The following HARBI1 variants were observed in gnomAD, a reference collection of about 807,000 sequenced individuals.
HARBI1 encodes putative nuclease HARBI1.
In HARBI1, 15 loss-of-function variants were observed where a neutral mutation model predicts 25.3. The observed-to-expected ratio is 0.59, with a 90% confidence interval of 0.40 to 0.91. HARBI1 has a LOEUF of 0.91. HARBI1 is among the 40% of genes least tolerant of loss of function. The pLI, the probability that HARBI1 is intolerant of heterozygous loss-of-function variation, is 0.00. For synonymous variants in HARBI1, 168 were observed against 160.5 expected (o/e 1.05, Z -0.35); for missense variants, 396 against 445.8 (o/e 0.89, Z 1.01).
At position 46,616,350 on chromosome 11, in the gene HARBI1, G is replaced by A. The variant is rs77282744; in HGVS notation, c.-113C>T. ...TATCAGAATCCAACAGCTAACCACA[G>A]TTAAATGGCTCTGCCATTTATAATC... On this transcript the variant is annotated 5_prime_UTR_variant, in exon 2 of 3. Transcript: ENST00000326737. 1.6e-3 allele frequency: 2,395 copies of A among 1,483,174 alleles called. 26 individuals are homozygous for A. In the African/African-American group the frequency reaches 0.031, roughly 19 times the overall value. 91.9% of individuals were successfully genotyped at this position (1,483,174 alleles called of 1,614,324 possible).
chr11:46,617,070 G>C, intron 1 of HARBI1, 54 bp downstream of exon 1: 10 of 917,124 alleles, frequency 1.1e-5, no homozygotes, highest in Non-Finnish European at 1.2e-5. Flanking sequence ...CCTAAAAACG[G>C]ATGTCAAAGT....
rs775686124 is a variant in HARBI1, at chr11:46,616,124, C to T, written c.114G>A (p.Met38Ile). The change falls in exon 2 of 3, where the codon ATG becomes ATA. Residue 38 changes from methionine (M) to isoleucine (I), a missense_variant. Physicochemically the swap from Met to Ile is conservative, Grantham distance 10. Coordinates refer to ENST00000326737, the MANE Select transcript of HARBI1 (RefSeq NM_173811.4). Reference sequence around the variant, plus strand: ...AAATGAACTGCCGTGGAAACCCATACATGGACATCAAGTATTCATCAGTCA... The same window carrying T: ...AAATGAACTGCCGTGGAAACCCATATATGGACATCAAGTATTCATCAGTCA... ...DDVTDEYLMS[M>I]YGFPRQFIYY... 6.2e-7 allele frequency: 1 copy of T among 1,614,204 alleles called. No individual in the cohort carries two copies. Among genetic ancestry groups the T allele is most frequent in the Non-Finnish European group, 8.5e-7 (1 of 1,180,042 alleles).
Position 46,604,463 on chromosome 11 carries a change from C to T in HARBI1, c.671-554G>A, listed in dbSNP as rs549936017. The T allele has an allele frequency of 8.4e-6, 8 of 950,504 alleles. No individual in the cohort carries two copies. The East Asian group carries it at 8.1e-4, about 96-fold the overall frequency. The allele number at this position is 950,504 out of a possible 1,614,324, so 58.9% of individuals were successfully genotyped here. The stretch of plus-strand genomic sequence containing the variant: ...CAGAGATATTGTTATTAATAAAAGG[C>T]TTAATAAAACCAAATAAAATCAAAT... On this transcript the variant is annotated intron_variant, in intron 2 of 2. Transcript: ENST00000326737.
upstream of HARBI1, chr11:46,617,892 T>A (rs1303150374): frequency 5.0e-6 from 2 of 399,000 alleles, no homozygotes; most frequent in African/African-American, 4.1e-5. Context: ...GCTTCGCAGG[T>A]ACTAACTTTT....
chr11:46,616,858 A>AAAAC, intron 1 of HARBI1: 1 of 961,690 alleles, frequency 1.0e-6, no homozygotes, highest in Non-Finnish European at 1.2e-6. Flanking sequence ...AAAAAAAAAA[A>AAAAC]AAAACAACCA....
intron 2 of HARBI1, among the ~76,000 whole-genome samples, chr11:46,613,958 A>G (rs1185062237): frequency 5.3e-5 from 8 of 152,222 alleles, no homozygotes; most frequent in Admixed American, 3.9e-4. Context: ...GGCAGGAGCC[A>G]CCGCACCCAG....
At chr11:46,614,974 G>A (rs1006402032) in intron 2 of HARBI1, among the ~76,000 whole-genome samples, 16 of 152,150 alleles carry the variant, frequency 1.1e-4, no homozygotes, top group African/African-American at 2.9e-4. Flanking sequence ...GTGCACTGGC[G>A]CGATCTTGGC....
intron 1 of HARBI1, 163 bp from the exon 2 acceptor site, chr11:46,616,544 G>T (rs888756567): frequency 3.5e-6 from 4 of 1,129,976 alleles, no homozygotes; most frequent in Non-Finnish European, 1.1e-6. Flanking sequence ...TGCACGACAG[G>T]CTTGCTCTGA....
rs372565562 is a variant in HARBI1, at chr11:46,616,095, T to C, written c.143A>G (p.Tyr48Cys). The change falls in exon 2 of 3, where the codon TAC (tyrosine) becomes TGC (cysteine). Residue 48 changes from tyrosine (Y) to cysteine (C), a missense_variant. Physicochemically the swap from Tyr to Cys is radical, Grantham distance 194. Coordinates refer to ENST00000326737, the MANE Select transcript of HARBI1 (RefSeq NM_173811.4). The stretch of plus-strand genomic sequence containing the variant: ...ATTCGCCCCCAAGAGCTCCACCAAG[T>C]AATAAATGAACTGCCGTGGAAACCC... ...MYGFPRQFIY[Y>C]LVELLGANLS... 3.1e-6 allele frequency: 5 copies of C among 1,614,022 alleles called. No homozygotes were observed. The highest frequency in any genetic ancestry group is 1.3e-5 in the African/African-American group (1 of 74,982).
intron 1 of HARBI1, 21 bp downstream of exon 1, chr11:46,617,103 T>A: frequency 1.5e-6 from 1 of 647,132 alleles, no homozygotes; most frequent in Non-Finnish European, 1.9e-6. Flanking sequence ...GCCACTCAGT[T>A]AGCCCAGGCC....
At chr11:46,616,956 G>C (rs1455995372) in intron 1 of HARBI1, 168 bp downstream of exon 1, 5 of 984,288 alleles carry the variant, frequency 5.1e-6, no homozygotes, top group Non-Finnish European at 6.0e-6. Context: ...TCGTGAACCT[G>C]AGGGCCAGGA....
intron 1 of HARBI1, chr11:46,616,735 G>T: frequency 1.0e-6 from 1 of 982,898 alleles, no homozygotes; most frequent in South Asian, 4.7e-5. Flanking sequence ...GTAAGAATTG[G>T]TCACGGGTTT....
At chr11:46,617,879 G>A, upstream of HARBI1, 1 of 399,126 alleles carries the variant, frequency 2.5e-6, no homozygotes, top group Non-Finnish European at 4.4e-6. Flanking sequence ...TCTTTGTGCC[G>A]CAGCTTCGCA....
chr11:46,616,005 C>G lies in HARBI1; in HGVS notation c.233G>C (p.Gly78Ala). The G allele has an allele frequency of 6.2e-7, 1 of 1,614,208 alleles. No homozygotes were observed. Among genetic ancestry groups the G allele is most frequent in the Non-Finnish European group, 8.5e-7 (1 of 1,180,044 alleles). ...SPETQVLAAL[G>A]FYTSGSFQTR... is the part of the protein sequence containing the mutation. ...CTGGAAGGAACCTGAGGTATAAAAA[C>G]CCAATGCTGCAAGGACCTGTGTCTC... Residue 78 changes from glycine to alanine, a missense_variant, in exon 2 of 3, where the codon GGT (glycine) becomes GCT (alanine). Gly to Ala is a moderately conservative substitution (Grantham distance 60). Coordinates refer to ENST00000326737, the MANE Select transcript of HARBI1 (RefSeq NM_173811.4).
chr11:46,614,934 T>A (rs573164338), intron 2 of HARBI1, among the ~76,000 whole-genome samples: 1 of 152,304 alleles, frequency 6.6e-6, no homozygotes, highest in African/African-American at 2.4e-5. Context: ...TTTTTTGAGA[T>A]GGAGTTTTGC....
At chr11:46,617,763 C>T (rs1428372379), upstream of HARBI1, 7 of 398,870 alleles carry the variant, frequency 1.8e-5, no homozygotes, top group Non-Finnish European at 3.1e-5. Context: ...AGGTGTCTAT[C>T]GGCGACGTGT....
chr11:46,616,418 CAA>C (rs1417348875), intron 1 of HARBI1, 37 bp from the exon 2 acceptor site: 1 of 1,415,924 alleles, frequency 7.1e-7, no homozygotes, highest in Non-Finnish European at 9.2e-7. Context: ...AGGAACCTAC[CAA>C]AGACTTTAAA....
At chr11:46,612,940 G>C (rs2045239086) in intron 2 of HARBI1, among the ~76,000 whole-genome samples, 1 of 143,640 alleles carries the variant, frequency 7.0e-6, no homozygotes, top group Non-Finnish European at 1.5e-5. Context: ...CAAAAGTGCT[G>C]GGATTATAGG....
At chr11:46,604,950 A>G (rs2044881149) in intron 2 of HARBI1, among the ~76,000 whole-genome samples, 1 of 152,318 alleles carries the variant, frequency 6.6e-6, no homozygotes, top group Middle Eastern at 3.4e-3. Flanking sequence ...CAACAACAAA[A>G]AACTGGGGTG....
Sources: gnomAD v4.1 joint callset for allele counts (sites outside exome capture counted in the v4.1 genomes callset) on GRCh38, gnomAD v4.1.1 for gene constraint, MANE v1.5 for transcripts, NCBI Gene and HGNC (gene_info 2026-07-23, HGNC 2026-07-21) for gene names.